AARS2: variants seen among roughly 807,000 people sequenced by gnomAD.
The protein encoded by AARS2 is alanyl-tRNA synthetase 2, mitochondrial.
In AARS2, 78 loss-of-function variants were observed where a neutral mutation model predicts 119.7. The ratio of observed to expected loss-of-function variants is 0.65; its 90% CI spans 0.54 to 0.79. AARS2 has a LOEUF of 0.79. Ranked by LOEUF, AARS2 falls within the 30% of genes least tolerant of loss-of-function variation. AARS2 has a pLI of 0.00. For missense variants in AARS2, 1,157 were observed against 1,291.3 expected (o/e 0.90, Z 1.59); for synonymous variants, 502 against 526.3 (o/e 0.95, Z 0.63).
chr6:44,303,496 ACGGT>A lies in AARS2; in HGVS notation c.2008-77_2008-74del. 3 of 1,603,936 alleles carry A rather than the reference ACGGT, an allele frequency of 1.9e-6. No individual in the cohort carries two copies. The Middle Eastern group carries it at 5.0e-4, about 267-fold the overall frequency. On this transcript the variant is annotated intron_variant, in intron 14 of 21. Coordinates refer to ENST00000244571, the MANE Select transcript of AARS2 (RefSeq NM_020745.4). ...ACACCTCTAACTGATGCATTGAAAC[ACGGT>A]CAATGTTCACTGAGCTATCCCCAGG...
At chr6:44,308,336 G>A (rs951527376) in intron 5 of AARS2, among the ~76,000 whole-genome samples, 3 of 152,116 alleles carry the variant, frequency 2.0e-5, no homozygotes, top group Non-Finnish European at 4.4e-5. Context: ...TCAGGAGTTT[G>A]AGACCAGCCT....
chr6:44,307,333 G>A lies in AARS2; in HGVS notation c.956C>T (p.Thr319Ile), dbSNP rs144483315. The change falls in exon 6 of 22, where the codon ACA becomes ATA. Residue 319 changes from threonine (T) to isoleucine (I), a missense_variant. Transcript: ENST00000244571. The surrounding 1 kb of genome is among the most constrained non-coding windows in gnomAD (Gnocchi z 4.4). ...VGVADEGRTD[T>I]AYRVVADHIR... ...GTGGTCAGCCACCACGCGGTACGCT[G>A]TGTCTGTGCGCCCCTCGTCTGCCAC... 6.2e-7 allele frequency: 1 copy of A among 1,612,860 alleles called. No homozygotes were observed. The highest frequency in any genetic ancestry group is 1.3e-5 in the African/African-American group (1 of 74,910).
chr6:44,300,868 G>A (rs1785296078), intron 21 of AARS2, 157 bp from the exon 22 acceptor site: 13 of 985,862 alleles, frequency 1.3e-5, no homozygotes, highest in Non-Finnish European at 2.0e-5. Flanking sequence ...GAAGGTTTGG[G>A]CTGGAAATGT....
rs142683237 is a variant in AARS2, at chr6:44,303,296, G to A, written c.2135C>T (p.Ser712Phe). The A allele has an allele frequency of 8.7e-6, 14 of 1,614,028 alleles. No homozygotes were observed. Among genetic ancestry groups the A allele is most frequent in the South Asian group, 6.6e-5 (6 of 91,092 alleles). Residue 712 changes from serine to phenylalanine, a missense_variant, in exon 15 of 22, where the codon TCT becomes TTT. Physicochemically the swap from Ser to Phe is radical, Grantham distance 155. Coordinates refer to ENST00000244571, the MANE Select transcript of AARS2 (RefSeq NM_020745.4). Reference sequence around the variant, plus strand: ...GCTTCCCCAACTCACCTCATCCAGAGAGCGCAGGCCAGGGACCTGGGCAGT... The same window carrying A: ...GCTTCCCCAACTCACCTCATCCAGAAAGCGCAGGCCAGGGACCTGGGCAGT... The part of the protein sequence containing the change: ...ALTAQVPGLR[S>F]LDEVYPDPVR...
intron 4 of AARS2, 64 bp from the exon 5 acceptor site, chr6:44,310,507 A>T: frequency 6.3e-7 from 1 of 1,599,504 alleles, no homozygotes; most frequent in Admixed American, 1.7e-5. Context: ...ACAGATGCCC[A>T]AGTGGAGTAG....
In AARS2 at chr6:44,301,271, A is replaced by T; in HGVS notation, c.2683-5T>A. ...CCGTACCACCTTCACCAGCACCTGG[A>T]CCACGAAAGACAGATGGTGAGCCCA... On this transcript the variant is annotated splice_region_variant and splice_polypyrimidine_tract_variant and intron_variant, in intron 20 of 21. Coordinates refer to ENST00000244571, the MANE Select transcript of AARS2 (RefSeq NM_020745.4). 1 of 1,613,894 alleles carries T rather than the reference A, an allele frequency of 6.2e-7. No homozygotes were observed. Among genetic ancestry groups the T allele is most frequent in the Non-Finnish European group, 8.5e-7 (1 of 1,179,952 alleles).
At position 44,304,735 on chromosome 6, in the gene AARS2, G is replaced by A. The variant is rs912274637; in HGVS notation, c.1662C>T (p.Arg554=). Residue 554 remains arginine (R), a synonymous_variant, in exon 12 of 22, where the codon CGC becomes CGT. Transcript: ENST00000244571. ...TAVASVGKGQ[R]CGLLLDRTNF... Reference sequence around the variant, plus strand: ...TGGTCCTGTCCAAGAGGAGGCCACAGCGCTGGCCTTTCCCCACGGAGGCCA... The same window carrying A: ...TGGTCCTGTCCAAGAGGAGGCCACAACGCTGGCCTTTCCCCACGGAGGCCA... The A allele has an allele frequency of 1.9e-6, 3 of 1,614,246 alleles. No homozygotes were observed. The Admixed American group carries it at 5.0e-5, about 27-fold the overall frequency.
At chr6:44,309,139 A>G (rs528082089) in intron 5 of AARS2, among the ~76,000 whole-genome samples, 1 of 152,306 alleles carries the variant, frequency 6.6e-6, no homozygotes, top group Non-Finnish European at 1.5e-5. Context: ...AATACAGTGG[A>G]AACAACACTG....
At position 44,301,427 on chromosome 6, in the gene AARS2, G is replaced by C. The variant is rs770826503; in HGVS notation, c.2636C>G (p.Ser879Trp). 1.9e-6 allele frequency: 3 copies of C among 1,613,760 alleles called. No individual in the cohort carries two copies. The highest frequency in any genetic ancestry group is 3.3e-5 in the Admixed American group (2 of 59,998). ...TGTGTCCACAATCAGAGGCCCCTTC[G>C]AGTGCCGCTCCAGCAGCTCCTGAGT... ...KKTQELLERH[S>W]KGPLIVDTVS... Residue 879 changes from serine to tryptophan, a missense_variant, in exon 20 of 22, where the codon TCG (serine) becomes TGG (tryptophan). By Grantham distance (177) the Ser-to-Trp change is radical. Transcript: ENST00000244571.
chr6:44,310,224 C>T, intron 5 of AARS2, 75 bp downstream of exon 5: 3 of 1,524,576 alleles, frequency 2.0e-6, no homozygotes, highest in South Asian at 2.4e-5. Context: ...GAGTTCTCAA[C>T]AAAGATGGAA....
chr6:44,306,850 C>T, intron 7 of AARS2, 73 bp downstream of exon 7: 1 of 1,429,208 alleles, frequency 7.0e-7, no homozygotes, highest in Non-Finnish European at 9.9e-7. Flanking sequence ...GCTGGGGGCA[C>T]TGTCTAGGCT....
Position 44,311,154 on chromosome 6 carries a change from C to T in AARS2, c.589G>A (p.Ala197Thr). ...GGTCCAAAGGAAAGCACACGGCTAG[C>T]AGGCACCCTGGGGAGAAAAGCAGGT... ...RDIWLSLGVP[A>T]SRVLSFGPQE... Residue 197 changes from alanine to threonine, a missense_variant, in exon 4 of 22, where the codon GCT (alanine) becomes ACT (threonine). Coordinates refer to ENST00000244571, the MANE Select transcript of AARS2 (RefSeq NM_020745.4). The T allele has an allele frequency of 7.4e-6, 12 of 1,614,130 alleles. No individual in the cohort carries two copies. The highest frequency in any genetic ancestry group is 1.0e-5 in the Non-Finnish European group (12 of 1,180,048).
At position 44,307,263 on chromosome 6, in the gene AARS2, C is replaced by G. The variant is rs1339353911; in HGVS notation, c.1026G>C (p.Gly342=). ...TCCAGACTCACGGGGGACCTGACAT[C>G]CCAGGGAAGATGCCATCAGAGATGC... ...SVCISDGIFP[G]MSGPPLVLRR... Residue 342 remains glycine (G), a synonymous_variant, in exon 6 of 22, where the codon GGG becomes GGC. Coordinates refer to ENST00000244571, the MANE Select transcript of AARS2 (RefSeq NM_020745.4). The surrounding 1 kb of genome is among the most constrained non-coding windows in gnomAD (Gnocchi z 4.4). 1 of 1,614,006 alleles carries G rather than the reference C, an allele frequency of 6.2e-7. No individual in the cohort carries two copies. Among genetic ancestry groups the G allele is most frequent in the African/African-American group, 1.3e-5 (1 of 75,052 alleles).
rs771372289 is a variant in AARS2 at position 44,310,466 on chromosome 6, G to A, written c.750-23C>T. 3 of 1,612,062 alleles carry A rather than the reference G, an allele frequency of 1.9e-6. No individual in the cohort carries two copies. The Admixed American group carries it at 5.0e-5, about 27-fold the overall frequency. ...TCTCTGGCCAGGGAAGGTGTGCAAGGTGAGGCCCCACCCAGGATTACAGGT... is the reference window on the plus strand; with the variant it reads ...TCTCTGGCCAGGGAAGGTGTGCAAGATGAGGCCCCACCCAGGATTACAGGT... On this transcript the variant is annotated intron_variant, in intron 4 of 21. Coordinates refer to ENST00000244571, the MANE Select transcript of AARS2 (RefSeq NM_020745.4).
At position 44,303,119 on chromosome 6, in the gene AARS2, C is replaced by T. The variant is rs886061486; in HGVS notation, c.2202G>A (p.Leu734=). 2.5e-6 allele frequency: 4 copies of T among 1,614,066 alleles called. No homozygotes were observed. The highest frequency in any genetic ancestry group is 3.3e-4 in the Middle Eastern group (2 of 6,054). ...GCAGTGCGGCTTGGGAGGCTGGGTC[C>T]AATGCATGGGCCACGGGCACCCCCA... is the stretch of plus-strand genomic sequence containing the variant. ...VSVGVPVAHA[L]DPASQAALQT... is the part of the protein sequence containing the mutation. Residue 734 remains leucine, a synonymous_variant, in exon 16 of 22, where the codon TTG becomes TTA. Coordinates refer to ENST00000244571, the MANE Select transcript of AARS2 (RefSeq NM_020745.4).
At chr6:44,304,054 C>G in intron 14 of AARS2, 127 bp downstream of exon 14, 5 of 1,383,730 alleles carry the variant, frequency 3.6e-6, no homozygotes, top group Non-Finnish European at 5.0e-6. Context: ...GCCCAGGGTC[C>G]CATAGTGATT....
At chr6:44,309,305 C>T (rs1786150830) in intron 5 of AARS2, among the ~76,000 whole-genome samples, 1 of 152,232 alleles carries the variant, frequency 6.6e-6, no homozygotes, top group Non-Finnish European at 1.5e-5. Context: ...GAGCTGCGGC[C>T]TCTCAGCTCA....
chr6:44,301,217 G>A lies in AARS2; in HGVS notation c.2732C>T (p.Ser911Phe), dbSNP rs1785325071. The change falls in exon 21 of 22, where the codon TCT becomes TTT. Residue 911 changes from serine to phenylalanine, a missense_variant. Physicochemically the swap from Ser to Phe is radical, Grantham distance 155. Coordinates refer to ENST00000244571, the MANE Select transcript of AARS2 (RefSeq NM_020745.4). ...RQLCEQAPST[S>F]VLLLSPQPMG... is the part of the protein sequence containing the mutation. Reference sequence around the variant, plus strand: ...GGGCTGGGGGCTGAGTAGGAGCACAGACGTGCTGGGGGCCTGCTCACACAG... The same window carrying A: ...GGGCTGGGGGCTGAGTAGGAGCACAAACGTGCTGGGGGCCTGCTCACACAG... 1 of 1,613,734 alleles carries A rather than the reference G, an allele frequency of 6.2e-7. No homozygotes were observed. Among genetic ancestry groups the A allele is most frequent in the African/African-American group, 1.3e-5 (1 of 75,018 alleles).
chr6:44,302,456 T>C lies in AARS2; in HGVS notation c.2422A>G (p.Ser808Gly), dbSNP rs1785441495. 3.7e-6 allele frequency: 6 copies of C among 1,614,116 alleles called. No homozygotes were observed. The African/African-American group carries it at 8.0e-5, about 22-fold the overall frequency. ...TCCGCCACATCCCGGCTCCCCAGACTCAGCCGCTCAGTGGCCGCTTTCACT... is the reference window on the plus strand; with the variant it reads ...TCCGCCACATCCCGGCTCCCCAGACCCAGCCGCTCAGTGGCCGCTTTCACT... ...QEVKAATERL[S>G]LGSRDVAEAL... The change falls in exon 18 of 22, where the codon AGT becomes GGT. Residue 808 changes from serine to glycine, a missense_variant. By Grantham distance (56) the Ser-to-Gly change is moderately conservative. Transcript: ENST00000244571.
Sources: gnomAD v4.1 joint callset for allele counts (sites outside exome capture counted in the v4.1 genomes callset) on GRCh38, gnomAD v4.1.1 for gene constraint, Gnocchi (gnomAD v3.1) non-coding constraint, MANE v1.5 for transcripts, NCBI Gene and HGNC (gene_info 2026-07-23, HGNC 2026-07-21) for gene names.